Variants in TMCO4 observed in about 807,000 individuals in gnomAD.
TMCO4 encodes the protein transmembrane and coiled-coil domain-containing protein 4.
A neutral mutation model predicts 64.7 loss-of-function variants in TMCO4; 58 were observed. The ratio of observed to expected loss-of-function variants is 0.90; its 90% CI spans 0.73 to 1.12. The LOEUF (loss-of-function observed/expected upper bound fraction) is 1.12. TMCO4 is among the 50% of genes most tolerant of loss of function. TMCO4 has a pLI of 0.00. For missense variants in TMCO4, 780 were observed against 825.9 expected (o/e 0.94, Z 0.68); for synonymous variants, 325 against 346.1 (o/e 0.94, Z 0.68).
chr1:19,739,620 G>T (rs977653953), intron 12 of TMCO4, among the ~76,000 whole-genome samples: 1 of 152,180 alleles, frequency 6.6e-6, no homozygotes, highest in Non-Finnish European at 1.5e-5. Flanking sequence ...ATACCTGCTA[G>T]AGCTGCAGAG....
At chr1:19,718,677 A>G (rs2095368202) in intron 13 of TMCO4, among the ~76,000 whole-genome samples, 1 of 142,520 alleles carries the variant, frequency 7.0e-6, no homozygotes, top group Non-Finnish European at 1.5e-5. Context: ...GAGAGAGAGA[A>G]AATGCAACAC....
At chr1:19,765,971 G>A (rs2042719569) in intron 6 of TMCO4, among the ~76,000 whole-genome samples, 1 of 152,154 alleles carries the variant, frequency 6.6e-6, no homozygotes, top group African/African-American at 2.4e-5. Context: ...ATGCTGCTCA[G>A]CATCTAAGCT....
chr1:19,691,148 G>T (rs934900615), intron 15 of TMCO4, among the ~76,000 whole-genome samples: 12 of 152,158 alleles, frequency 7.9e-5, no homozygotes, highest in African/African-American at 2.4e-4. Flanking sequence ...GATTACAGGC[G>T]TGAGTCACTG....
chr1:19,716,186 A>ATTATT (rs57847602), intron 13 of TMCO4, among the ~76,000 whole-genome samples: 1 of 130,954 alleles, frequency 7.6e-6, no homozygotes, highest in Non-Finnish European at 1.6e-5. Flanking sequence ...TATTATTATT[A>ATTATT]ATTTATTTAT....
At chr1:19,762,986 C>T (rs2042569740) in intron 6 of TMCO4, among the ~76,000 whole-genome samples, 1 of 152,212 alleles carries the variant, frequency 6.6e-6, no homozygotes, top group African/African-American at 2.4e-5. Context: ...GATCTAAGTT[C>T]CTACTAGCTG....
At chr1:19,707,996 A>G (rs1257385976) in intron 13 of TMCO4, among the ~76,000 whole-genome samples, 4 of 152,096 alleles carry the variant, frequency 2.6e-5, no homozygotes, top group Admixed American at 2.6e-4. Flanking sequence ...CCAATCACCA[A>G]TCGCCTCCCA....
At chr1:19,705,629 C>T (rs2100648840) in intron 13 of TMCO4, among the ~76,000 whole-genome samples, 1 of 151,946 alleles carries the variant, frequency 6.6e-6, no homozygotes, top group Non-Finnish European at 1.5e-5. Flanking sequence ...GCCAGCAGGC[C>T]ACTGGTTGGA....
chr1:19,776,801 C>T (rs921626382), intron 4 of TMCO4, among the ~76,000 whole-genome samples: 13 of 152,018 alleles, frequency 8.6e-5, no homozygotes, highest in Non-Finnish European at 1.5e-5. Context: ...CCAAGGTGGG[C>T]AGATCACTTG....
intron 14 of TMCO4, among the ~76,000 whole-genome samples, chr1:19,699,731 C>G (rs1360504594): frequency 6.6e-6 from 1 of 152,086 alleles, no homozygotes. Flanking sequence ...GAATGAATAT[C>G]CCAAGTGATT....
At position 19,686,634 on chromosome 1, in the gene TMCO4, T is replaced by C. The variant is rs969606633; in HGVS notation, c.1501-3190A>G. On this transcript the variant is annotated intron_variant, in intron 15 of 15. Coordinates refer to ENST00000294543, the MANE Select transcript of TMCO4 (RefSeq NM_181719.7). ...CACATCTAAGTGGTTTTCAGGGCCC[T>C]GGGCTCAGGGTGGTTGTCAAGGCAC... Among the ~76,000 whole-genome samples, 8 of 152,304 alleles carry C rather than the reference T, an allele frequency of 5.3e-5. 2 individuals are homozygous for C. The highest frequency in any genetic ancestry group is 6.5e-5 in the Admixed American group (1 of 15,300).
chr1:19,693,595 C>G (rs1008772811), intron 15 of TMCO4, among the ~76,000 whole-genome samples: 1 of 152,228 alleles, frequency 6.6e-6, no homozygotes, highest in African/African-American at 2.4e-5. Flanking sequence ...CCCCTGCACC[C>G]CAGCCTAGTT....
At chr1:19,793,044 A>G (rs2044129510) in intron 2 of TMCO4, among the ~76,000 whole-genome samples, 1 of 152,094 alleles carries the variant, frequency 6.6e-6, no homozygotes. Context: ...TTTTAGGATT[A>G]CAGACGTGAG....
chr1:19,710,304 G>GA (rs1211696624), intron 13 of TMCO4, among the ~76,000 whole-genome samples: 8 of 149,616 alleles, frequency 5.3e-5, no homozygotes, highest in Non-Finnish European at 1.2e-4. Context: ...GTAGAGATGG[G>GA]ATCTCACTAT....
chr1:19,793,802 GC>G (rs2044172999), intron 2 of TMCO4, among the ~76,000 whole-genome samples: 1 of 152,142 alleles, frequency 6.6e-6, no homozygotes, highest in Non-Finnish European at 1.5e-5. Context: ...ATTTACCACT[GC>G]TCTCTTCCTT....
In TMCO4 at chr1:19,780,686, C is replaced by T. The variant is rs769356583; in HGVS notation, c.73G>A (p.Glu25Lys). Residue 25 changes from glutamate (E) to lysine (K), a missense_variant, in exon 4 of 16, where the codon GAG (glutamate) becomes AAG (lysine). Glu to Lys is a moderately conservative substitution (Grantham distance 56). Transcript: ENST00000294543. ...PLVAEPTAEG[E>K]PHLPTGRELT... is the part of the protein sequence containing the mutation. Reference sequence around the variant, plus strand: ...TCCCGGCCCGTGGGCAGGTGTGGCTCCCCCTCTGCAGTGGGCTCAGCTACC... The same window carrying T: ...TCCCGGCCCGTGGGCAGGTGTGGCTTCCCCTCTGCAGTGGGCTCAGCTACC... The T allele has an allele frequency of 1.9e-6, 3 of 1,613,716 alleles. No homozygotes were observed. Among genetic ancestry groups the T allele is most frequent in the Non-Finnish European group, 2.5e-6 (3 of 1,179,972 alleles).
intron 1 of TMCO4, among the ~76,000 whole-genome samples, chr1:19,798,766 ACC>A (rs2044457822): frequency 6.6e-6 from 1 of 151,492 alleles, no homozygotes; most frequent in Non-Finnish European, 1.5e-5. Flanking sequence ...GCTTTATTCC[ACC>A]CTCTGGAGTG....
chr1:19,737,975 A>C (rs1021179337), intron 12 of TMCO4, among the ~76,000 whole-genome samples: 1 of 152,258 alleles, frequency 6.6e-6, no homozygotes, highest in Non-Finnish European at 1.5e-5. Context: ...AAGTGATAAG[A>C]TAAGGTAGTA....
intron 7 of TMCO4, among the ~76,000 whole-genome samples, chr1:19,754,749 T>C (rs1459237423): frequency 6.6e-6 from 1 of 152,120 alleles, no homozygotes; most frequent in Non-Finnish European, 1.5e-5. Flanking sequence ...TGACCATATA[T>C]AGACAGCAAA....
intron 6 of TMCO4, 126 bp downstream of exon 6, chr1:19,770,416 C>T: frequency 1.0e-6 from 1 of 986,290 alleles, no homozygotes; most frequent in East Asian, 2.4e-5. Flanking sequence ...CATCAGGTTC[C>T]TTTCCTTCCT....
Sources: allele counts gnomAD v4.1 joint callset (sites outside exome capture counted in the v4.1 genomes callset), GRCh38; gene constraint gnomAD v4.1.1; transcripts MANE v1.5; gene names NCBI Gene and HGNC (gene_info 2026-07-23, HGNC 2026-07-21).